Variants in GADL1 observed in about 807,000 individuals in gnomAD.
GADL1 encodes the protein acidic amino acid decarboxylase GADL1.
Under a neutral mutation model 69.5 loss-of-function variants are expected in GADL1, and 71 were observed. The observed-to-expected ratio is 1.02, with a 90% CI of 0.84 to 1.25. GADL1 has a LOEUF of 1.25. GADL1 is among the 50% of genes most tolerant of loss of function. The pLI, the probability that GADL1 is intolerant of heterozygous loss-of-function variation, is 0.00. For missense variants in GADL1, 737 were observed against 631.8 expected, an observed-to-expected ratio of 1.17 and a Z score of -1.79; for synonymous variants, 254 against 214.4, an observed-to-expected ratio of 1.18 and a Z score of -1.62.
chr3:30,760,041 AT>A (rs1191233092), intron 14 of GADL1, among the ~76,000 whole-genome samples: 1 of 152,232 alleles, frequency 6.6e-6, no homozygotes, highest in African/African-American at 2.4e-5. Context: ...TTCATGAGTG[AT>A]AAATGCTTAT....
chr3:30,821,443 A>G (rs751561525), intron 11 of GADL1, among the ~76,000 whole-genome samples: 4 of 152,080 alleles, frequency 2.6e-5, no homozygotes, highest in Non-Finnish European at 5.9e-5. Context: ...AGGAAGCAGT[A>G]GATATGAAAC....
At chr3:30,851,842 A>G (rs1291365921) in intron 4 of GADL1, among the ~76,000 whole-genome samples, 3 of 152,072 alleles carry the variant, frequency 2.0e-5, no homozygotes, top group African/African-American at 7.2e-5. Context: ...TGTTGATCCC[A>G]AGGGTACTCC....
At chr3:30,869,266 G>A (rs1698447491) in intron 1 of GADL1, among the ~76,000 whole-genome samples, 1 of 151,716 alleles carries the variant, frequency 6.6e-6, no homozygotes. Flanking sequence ...TGGTACATCA[G>A]CCTCATAGAT....
At chr3:30,862,736 A>G (rs1698339832) in intron 1 of GADL1, among the ~76,000 whole-genome samples, 1 of 152,014 alleles carries the variant, frequency 6.6e-6, no homozygotes, top group Admixed American at 6.6e-5. Flanking sequence ...TGAAATCTTC[A>G]AAGGCAAAGA....
intron 1 of GADL1, among the ~76,000 whole-genome samples, chr3:30,879,404 G>C (rs753434212): frequency 6.6e-6 from 1 of 151,848 alleles, no homozygotes; most frequent in South Asian, 2.1e-4. Context: ...GGACAAAAAG[G>C]CTTTTCTGAA....
rs557768148 is a variant in GADL1, at chr3:30,792,385, C to A, written c.1251-5979G>T. ...TCCAGGAGTTCAAGACCAGCCTGGG[C>A]AACATGGTGAAACCCCATCTCTACA... On this transcript the variant is annotated intron_variant, in intron 12 of 14. Transcript: ENST00000282538. 2.0e-5 allele frequency among the ~76,000 whole-genome samples: 3 copies of A among 152,160 alleles called. No individual in the cohort carries two copies. The South Asian group carries it at 6.2e-4, about 32-fold the overall frequency.
chr3:30,807,625 A>G (rs930008440), intron 11 of GADL1, among the ~76,000 whole-genome samples: 4 of 152,230 alleles, frequency 2.6e-5, no homozygotes, highest in African/African-American at 9.6e-5. Flanking sequence ...GGAGCCATCA[A>G]ATGGCCAGGT....
chr3:30,782,237 AAG>A lies in GADL1; in HGVS notation c.1303-3971_1303-3970del, dbSNP rs1696681205. ...ATAGGAAATAGATCTCATCTTTGAA[AAG>A]CTGCTCTAGCAGCAGTGTGGCAGTT... is the stretch of plus-strand genomic sequence containing the variant. On this transcript the variant is annotated intron_variant, in intron 13 of 14. Transcript: ENST00000282538. Among the ~76,000 whole-genome samples the A allele has an allele frequency of 2.6e-5, 4 of 152,278 alleles. No individual in the cohort carries two copies. The South Asian group carries it at 8.3e-4, about 32-fold the overall frequency.
intron 2 of GADL1, among the ~76,000 whole-genome samples, chr3:30,858,802 G>T (rs1159500450): frequency 6.6e-6 from 1 of 151,990 alleles, no homozygotes; most frequent in Non-Finnish European, 1.5e-5. Flanking sequence ...GGCTCAGAGA[G>T]AACCTACAGC....
intron 1 of GADL1, among the ~76,000 whole-genome samples, chr3:30,873,665 A>G (rs577451757): frequency 6.6e-6 from 1 of 152,146 alleles, no homozygotes; most frequent in East Asian, 1.9e-4. Flanking sequence ...TGTTGACTAC[A>G]GGACTTTAAA....
chr3:30,812,549 C>A (rs1233027126), intron 11 of GADL1, among the ~76,000 whole-genome samples: 1 of 152,178 alleles, frequency 6.6e-6, no homozygotes, highest in Non-Finnish European at 1.5e-5. Context: ...GACCTGCCCC[C>A]ATGATTCAAC....
intron 14 of GADL1, among the ~76,000 whole-genome samples, chr3:30,770,229 C>T (rs1334976861): frequency 2.0e-5 from 3 of 152,148 alleles, no homozygotes; most frequent in African/African-American, 2.4e-5. Flanking sequence ...GTTTGCAACT[C>T]GACTGAGTAA....
intron 14 of GADL1, among the ~76,000 whole-genome samples, chr3:30,772,792 G>C (rs1391767360): frequency 3.9e-5 from 6 of 152,064 alleles, no homozygotes; most frequent in African/African-American, 1.4e-4. Context: ...AGGAGAATCG[G>C]TTGAACCCAG....
Position 30,861,678 on chromosome 3 carries a change from G to T in GADL1, c.125C>A (p.Ala42Glu). Residue 42 changes from alanine (A) to glutamate (E), a missense_variant, in exon 2 of 15, where the codon GCA becomes GAA. Coordinates refer to ENST00000282538, the MANE Select transcript of GADL1 (RefSeq NM_207359.3). ...TTCAACAAATTTTTCTCCAGCTTTT[G>T]CATCTGTTGTAGGACCATTCAGCAC... Reference protein sequence around the residue: ...GVVLNGPTTDAKAGEKFVEEA... With the variant: ...GVVLNGPTTDEKAGEKFVEEA... 1 of 1,549,718 alleles carries T rather than the reference G, an allele frequency of 6.5e-7. No homozygotes were observed. Among genetic ancestry groups the T allele is most frequent in the East Asian group, 2.4e-5 (1 of 40,858 alleles).
Position 30,800,972 on chromosome 3 carries a change from A to G in GADL1, c.1167T>C (p.Asp389=). Residue 389 remains aspartate, a synonymous_variant, in exon 12 of 15, where the codon GAT becomes GAC. Transcript: ENST00000282538. The part of the protein sequence containing the change: ...DKSIQCSRRP[D]AFKFWMTWKA... ...TCCAGGTCATCCAGAACTTGAATGC[A>G]TCTGGTCTTCTGCTACACTGGATAG... 4 of 1,613,870 alleles carry G rather than the reference A, an allele frequency of 2.5e-6. No individual in the cohort carries two copies. The highest frequency in any genetic ancestry group is 1.3e-5 in the African/African-American group (1 of 75,034).
At chr3:30,841,561 A>G (rs970925901) in intron 8 of GADL1, among the ~76,000 whole-genome samples, 7 of 152,158 alleles carry the variant, frequency 4.6e-5, no homozygotes, top group African/African-American at 1.7e-4. Flanking sequence ...AAAGAATAAG[A>G]CGTTTATCCT....
At chr3:30,766,676 T>G (rs1696289639) in intron 14 of GADL1, among the ~76,000 whole-genome samples, 1 of 152,142 alleles carries the variant, frequency 6.6e-6, no homozygotes, top group Non-Finnish European at 1.5e-5. Context: ...GCCAGTGTGT[T>G]TTTGATGACA....
At chr3:30,842,809 TC>T (rs1697989362) in intron 8 of GADL1, among the ~76,000 whole-genome samples, 2 of 129,166 alleles carry the variant, frequency 1.5e-5, no homozygotes, top group African/African-American at 5.7e-5. Flanking sequence ...AGTTCACTTG[TC>T]ATTGGAATGT....
chr3:30,769,209 T>G (rs1696358665), intron 14 of GADL1, among the ~76,000 whole-genome samples: 1 of 152,152 alleles, frequency 6.6e-6, no homozygotes, highest in Non-Finnish European at 1.5e-5. Flanking sequence ...CCCCAAAGCA[T>G]TCTGTAGAGA....
Sources: allele counts gnomAD v4.1 joint callset (sites outside exome capture counted in the v4.1 genomes callset), GRCh38; gene constraint gnomAD v4.1.1; transcripts MANE v1.5; gene names NCBI Gene and HGNC (gene_info 2026-07-23, HGNC 2026-07-21).